Variants in POPDC3 observed in about 807,000 individuals in gnomAD.
POPDC3 encodes popeye domain-containing protein 3.
A neutral mutation model predicts 28.2 loss-of-function variants in POPDC3; 20 were observed. That is an observed-to-expected ratio of 0.71 (90% CI 0.50 to 1.03). The LOEUF (loss-of-function observed/expected upper bound fraction) is 1.03. POPDC3 is among the 50% of genes least tolerant of loss of function. POPDC3 has a pLI of 0.00. For synonymous variants in POPDC3, 118 were observed against 124.1 expected (o/e 0.95, Z 0.33); for missense variants, 316 against 345.9 (o/e 0.91, Z 0.69).
intron 2 of POPDC3, among the ~76,000 whole-genome samples, chr6:105,160,457 A>G (rs1057509443): frequency 2.2e-4 from 34 of 151,646 alleles, no homozygotes; most frequent in Non-Finnish European, 7.4e-5. Flanking sequence ...CAAGTGACCC[A>G]CTAGCCTCGG....
rs866680833 is a variant in POPDC3, at chr6:105,161,332, G to T, written c.485+93C>A. The T allele has an allele frequency of 1.4e-5, 20 of 1,437,756 alleles. No individual in the cohort carries two copies. The Middle Eastern group carries it at 1.6e-3, about 118-fold the overall frequency. The allele number at this position is 1,437,756 out of a possible 1,614,324, so 89.1% of individuals were successfully genotyped here. The stretch of plus-strand genomic sequence containing the variant: ...GCCTCAGGGTGCTAAATGCCACCCA[G>T]GACTATGTGATACTGAGATGGAAAA... On this transcript the variant is annotated intron_variant, in intron 2 of 3. Coordinates refer to ENST00000254765, the MANE Select transcript of POPDC3 (RefSeq NM_022361.5).
At chr6:105,165,817 C>T (rs1191481825) in intron 1 of POPDC3, among the ~76,000 whole-genome samples, 2 of 152,142 alleles carry the variant, frequency 1.3e-5, no homozygotes, top group African/African-American at 4.8e-5. Context: ...AAAATTCCAT[C>T]AATATTCTAC....
chr6:105,170,663 T>A (rs1402582711), intron 1 of POPDC3, among the ~76,000 whole-genome samples: 1 of 152,156 alleles, frequency 6.6e-6, no homozygotes, highest in East Asian at 1.9e-4. Flanking sequence ...TAGAGTCAAT[T>A]CCACTGTAAC....
intron 1 of POPDC3, among the ~76,000 whole-genome samples, chr6:105,165,337 GAC>G (rs1774434456): frequency 6.6e-6 from 1 of 152,216 alleles, no homozygotes; most frequent in African/African-American, 2.4e-5. Flanking sequence ...TACTGCTGGA[GAC>G]ACAGAGAGCC....
Position 105,171,321 on chromosome 6 carries a change from T to C in POPDC3, c.-252+8512A>G, listed in dbSNP as rs184455256. On this transcript the variant is annotated intron_variant, in intron 1 of 3. Transcript: ENST00000254765. ...TTTCAAAACATGCATTATAACATAA[T>C]TAACTGTATCATTAGCTCTCAAATG... Among the ~76,000 whole-genome samples the C allele has an allele frequency of 2.5e-3, 382 of 152,294 alleles. 2 individuals carry two copies. The Middle Eastern group carries it at 0.041, about 16-fold the overall frequency.
At chr6:105,179,243 C>T in intron 1 of POPDC3, 10 of 985,334 alleles carry the variant, frequency 1.0e-5, no homozygotes, top group South Asian at 4.7e-5. Context: ...AAAACAGGTC[C>T]GCGCGACCTT....
chr6:105,159,748 C>A lies in POPDC3; in HGVS notation c.557G>T (p.Trp186Leu). Residue 186 changes from tryptophan to leucine, a missense_variant, in exon 3 of 4, where the codon TGG becomes TTG. Physicochemically the swap from Trp to Leu is moderately conservative, Grantham distance 61. Transcript: ENST00000254765. The part of the protein sequence containing the change: ...FPLQFLDSPE[W>L]DSLRPTEEGI... The stretch of plus-strand genomic sequence containing the variant: ...TTCCTCTGTGGGTCTCAGTGAATCC[C>A]ACTCAGGAGAATCCAGGAACTGAAG... 1 of 1,613,568 alleles carries A rather than the reference C, an allele frequency of 6.2e-7. No individual in the cohort carries two copies. The highest frequency in any genetic ancestry group is 8.5e-7 in the Non-Finnish European group (1 of 1,179,632).
In POPDC3 at chr6:105,161,690, C is replaced by T; in HGVS notation, c.220G>A (p.Ala74Thr). 1 of 1,614,164 alleles carries T rather than the reference C, an allele frequency of 6.2e-7. No homozygotes were observed. Among genetic ancestry groups the T allele is most frequent in the Non-Finnish European group, 8.5e-7 (1 of 1,180,034 alleles). Residue 74 changes from alanine (A) to threonine (T), a missense_variant, in exon 2 of 4, where the codon GCA becomes ACA. Ala to Thr is a moderately conservative substitution (Grantham distance 58). Transcript: ENST00000254765. The stretch of plus-strand genomic sequence containing the variant: ...AAATTCCAGGAAAATATGTCAGCTG[C>T]ACAGACATCTACCCAAGCCCAGACA... ...SAVWAWVDVC[A>T]ADIFSWNFVL...
Position 105,162,131 on chromosome 6 carries a change from G to T in POPDC3, c.-222C>A. ...TTAAGTTCATCTGGGCTCCTGATTT[G>T]GATCCAGTCTGCAAATATTTTGGTA... On this transcript the variant is annotated 5_prime_UTR_variant, in exon 2 of 4. Coordinates refer to ENST00000254765, the MANE Select transcript of POPDC3 (RefSeq NM_022361.5). 1 of 1,279,398 alleles carries T rather than the reference G, an allele frequency of 7.8e-7. No homozygotes were observed. The highest frequency in any genetic ancestry group is 9.8e-7 in the Non-Finnish European group (1 of 1,017,372). 79.3% of individuals were successfully genotyped at this position (1,279,398 alleles called of 1,614,324 possible). A position where few individuals can be genotyped will look rare whatever the true frequency, so the allele number is the denominator to read the frequency against.
intron 1 of POPDC3, among the ~76,000 whole-genome samples, chr6:105,164,917 T>C (rs572541433): frequency 9.8e-5 from 15 of 152,350 alleles, no homozygotes; most frequent in African/African-American, 3.1e-4. Flanking sequence ...TAAATGAAGA[T>C]ACAAGGATGC....
intron 1 of POPDC3, among the ~76,000 whole-genome samples, chr6:105,170,451 T>C (rs562037710): frequency 4.6e-5 from 7 of 152,360 alleles, no homozygotes; most frequent in African/African-American, 1.7e-4. Context: ...CAAACAACCC[T>C]AACAAGATCA....
intron 1 of POPDC3, among the ~76,000 whole-genome samples, chr6:105,176,179 AT>A (rs1264024045): frequency 6.6e-6 from 1 of 152,222 alleles, no homozygotes; most frequent in Non-Finnish European, 1.5e-5. Flanking sequence ...GATAAATTCA[AT>A]TTAACAGTTT....
At chr6:105,165,583 T>C (rs1024796700) in intron 1 of POPDC3, among the ~76,000 whole-genome samples, 1 of 152,184 alleles carries the variant, frequency 6.6e-6, no homozygotes, top group African/African-American at 2.4e-5. Context: ...GGGCACAGAA[T>C]TGGGGGGCTC....
chr6:105,160,008 A>T (rs542967145), intron 2 of POPDC3, 189 bp from the exon 3 acceptor site: 1 of 467,464 alleles, frequency 2.1e-6, no homozygotes, highest in South Asian at 2.7e-5. Context: ...TCATGTTATC[A>T]TGTTCCTTAT....
At chr6:105,179,200 TTTC>T (rs1774735619) in intron 1 of POPDC3, 1 of 985,236 alleles carries the variant, frequency 1.0e-6, no homozygotes, top group East Asian at 1.1e-4. Flanking sequence ...GGTTGGCAAA[TTTC>T]TTTTTTGGCA....
chr6:105,168,456 G>A (rs748949400), intron 1 of POPDC3, among the ~76,000 whole-genome samples: 36 of 152,158 alleles, frequency 2.4e-4, no homozygotes, highest in Admixed American at 3.3e-4. Flanking sequence ...AGAACATGCC[G>A]ACAGGCTACA....
rs1390221628 is a variant in POPDC3 at position 105,158,675 on chromosome 6, T to C, written c.671A>G (p.His224Arg). ...TGAAAAAAGGCGGGAGATGTAGCGA[T>C]GCTGAGCAAAGAGCAGATATAATTT... is the stretch of plus-strand genomic sequence containing the variant. The part of the protein sequence containing the change: ...RKKLYLLFAQ[H>R]RYISRLFSVL... The change falls in exon 4 of 4, where the codon CAT (histidine) becomes CGT (arginine). Residue 224 changes from histidine to arginine, a missense_variant. His to Arg is a conservative substitution (Grantham distance 29). Coordinates refer to ENST00000254765, the MANE Select transcript of POPDC3 (RefSeq NM_022361.5). The C allele has an allele frequency of 1.2e-6, 2 of 1,614,040 alleles. No individual in the cohort carries two copies. Among genetic ancestry groups the C allele is most frequent in the Admixed American group, 1.7e-5 (1 of 60,008 alleles).
Position 105,161,762 on chromosome 6 carries a change from G to C in POPDC3, c.148C>G (p.Leu50Val). 1 of 1,614,128 alleles carries C rather than the reference G, an allele frequency of 6.2e-7. No homozygotes were observed. Among genetic ancestry groups the C allele is most frequent in the East Asian group, 2.2e-5 (1 of 44,892 alleles). Residue 50 changes from leucine to valine, a missense_variant, in exon 2 of 4, where the codon CTC (leucine) becomes GTC (valine). By Grantham distance (32) the Leu-to-Val change is conservative. Transcript: ENST00000254765. ...CCCAGCAAACTGAAGACATAAAGGA[G>C]CCCGAAGAATCCACTGCCACCCATG... is the stretch of plus-strand genomic sequence containing the variant. ...GFMGGSGFFGLLYVFSLLGLG... is the reference protein window; with the variant it reads ...GFMGGSGFFGVLYVFSLLGLG...
At chr6:105,177,051 T>A in intron 1 of POPDC3, 1 of 354,224 alleles carries the variant, frequency 2.8e-6, no homozygotes, top group South Asian at 1.2e-4. Flanking sequence ...ATTTTAAATA[T>A]AAACATTTAA....
Sources: allele counts gnomAD v4.1 joint callset (sites outside exome capture counted in the v4.1 genomes callset), GRCh38; gene constraint gnomAD v4.1.1; transcripts MANE v1.5; gene names NCBI Gene and HGNC (gene_info 2026-07-23, HGNC 2026-07-21).